Variants in NLK observed in about 807,000 individuals in gnomAD.
NLK encodes the protein serine/threonine-protein kinase NLK.
NLK carries 11 observed loss-of-function variants against 59.0 expected under a neutral mutation model. The observed-to-expected ratio is 0.19, with a 90% confidence interval of 0.12 to 0.31. The LOEUF (loss-of-function observed/expected upper bound fraction) is 0.31, where lower values mean the gene tolerates loss of function less well. Ranked by LOEUF, NLK falls within the 10% of genes least tolerant of loss-of-function variation. The pLI, the probability that NLK is intolerant of heterozygous loss-of-function variation, is 1.00. For synonymous variants in NLK, 235 were observed against 235.9 expected (o/e 1.00, Z 0.03); for missense variants, 410 against 661.1 (o/e 0.62, Z 4.16).
intron 7 of NLK, among the ~76,000 whole-genome samples, chr17:28,177,542 C>T (rs1908732781): frequency 6.6e-6 from 1 of 152,200 alleles, no homozygotes; most frequent in African/African-American, 2.4e-5. Context: ...TGCCAGGAAT[C>T]TGACTCTCCT....
chr17:28,073,739 A>G (rs1000165236), intron 1 of NLK, among the ~76,000 whole-genome samples: 1 of 152,022 alleles, frequency 6.6e-6, no homozygotes, highest in Non-Finnish European at 1.5e-5. Context: ...CTCTTTAGGT[A>G]TTCTCCCCAT....
intron 1 of NLK, among the ~76,000 whole-genome samples, chr17:28,079,314 T>C (rs1235027696): frequency 6.6e-6 from 1 of 152,240 alleles, no homozygotes; most frequent in Non-Finnish European, 1.5e-5. Flanking sequence ...TGAATCTTGC[T>C]GTAATGAACA....
At position 28,085,724 on chromosome 17, in the gene NLK, G is replaced by A. The variant is rs1206495123; in HGVS notation, c.459-36879G>A. The stretch of plus-strand genomic sequence containing the variant: ...CCACTGCACTCCAGCCTGGATGACA[G>A]AGCAAGACCCAGTCTCAAGAAAAAA... On this transcript the variant is annotated intron_variant, in intron 1 of 10. Coordinates refer to ENST00000407008, the MANE Select transcript of NLK (RefSeq NM_016231.5). Among the ~76,000 whole-genome samples the A allele has an allele frequency of 3.9e-5, 6 of 152,102 alleles. No individual in the cohort carries two copies. In the East Asian group the frequency reaches 1.2e-3, roughly 29 times the overall value.
At chr17:28,171,262 C>G (rs747473988) in intron 6 of NLK, 4 of 152,166 alleles carry the variant, frequency 2.6e-5, no homozygotes, top group Non-Finnish European at 5.9e-5. Context: ...ATGCTGATGG[C>G]TACCCCATGG....
chr17:28,179,476 A>C (rs1908812217), intron 7 of NLK, among the ~76,000 whole-genome samples: 1 of 152,052 alleles, frequency 6.6e-6, no homozygotes, highest in African/African-American at 2.4e-5. Flanking sequence ...CATGCCTGTA[A>C]TTCCAGCACT....
intron 6 of NLK, among the ~76,000 whole-genome samples, chr17:28,169,688 C>T (rs949124980): frequency 1.3e-5 from 2 of 150,176 alleles, no homozygotes; most frequent in East Asian, 1.9e-4. Context: ...GTTACTTAAC[C>T]TCTGTGTTCC....
rs1908928225 is a variant in NLK at position 28,043,145 on chromosome 17, A to G, written c.272A>G (p.Gln91Arg). The part of the protein sequence containing the change: ...AAAMLNPGQQ[Q>R]PYFPSPAPGQ... ...GCCATGTTAAACCCTGGGCAACAACAGCCATATTTCCCATCACCGGCACCG... is the reference window on the plus strand; with the variant it reads ...GCCATGTTAAACCCTGGGCAACAACGGCCATATTTCCCATCACCGGCACCG... The change falls in exon 1 of 11, where the codon CAG becomes CGG. Residue 91 changes from glutamine to arginine, a missense_variant. Physicochemically the swap from Gln to Arg is conservative, Grantham distance 43. Around this residue, in one of 5 missense-constraint regions of NLK, gnomAD observed 160 missense variants for 171.0 expected, o/e 0.94. Transcript: ENST00000407008. 17 of 1,612,714 alleles carry G rather than the reference A, an allele frequency of 1.1e-5. No homozygotes were observed. The highest frequency in any genetic ancestry group is 1.4e-5 in the Non-Finnish European group (16 of 1,179,366).
In NLK at chr17:28,196,348, A is replaced by G. The variant is rs1221711768; in HGVS notation, c.*1712A>G. 2 of 152,674 alleles carry G rather than the reference A, an allele frequency of 1.3e-5. No individual in the cohort carries two copies. The highest frequency in any genetic ancestry group is 2.4e-5 in the African/African-American group (1 of 41,458). 9.5% of individuals were successfully genotyped at this position (152,674 alleles called of 1,614,324 possible). A position where few individuals can be genotyped will look rare whatever the true frequency, so the allele number is the denominator to read the frequency against. ...TTTGTACAATGTAGATTTGAAGTAC[A>G]GTGGTGAAAACATTAAATGTGACAT... On this transcript the variant is annotated 3_prime_UTR_variant, in exon 11 of 11. Coordinates refer to ENST00000407008, the MANE Select transcript of NLK (RefSeq NM_016231.5).
intron 7 of NLK, among the ~76,000 whole-genome samples, chr17:28,177,162 G>A (rs1242762447): frequency 6.6e-6 from 1 of 152,180 alleles, no homozygotes; most frequent in Admixed American, 6.5e-5. Context: ...TGGCAGAGGC[G>A]AAAGTGGTGG....
At position 28,168,474 on chromosome 17, in the gene NLK, G is replaced by A. The variant is rs1395894534; in HGVS notation, c.864G>A (p.Val288=). The A allele has an allele frequency of 6.2e-7, 1 of 1,613,742 alleles. No individual in the cohort carries two copies. Among genetic ancestry groups the A allele is most frequent in the East Asian group, 2.2e-5 (1 of 44,884 alleles). The change falls in exon 6 of 11, where the codon GTG becomes GTA. Residue 288 remains valine, a synonymous_variant. Coordinates refer to ENST00000407008, the MANE Select transcript of NLK (RefSeq NM_016231.5). ...TTTGTGATTTTGGATTGGCCAGAGT[G>A]GAAGAATTAGATGAATCCCGTCATA... ...LKICDFGLAR[V]EELDESRHMT... is the part of the protein sequence containing the mutation.
rs529199264 is a variant in NLK, at chr17:28,180,635, T to C, written c.1150-4544T>C. 4.4e-4 allele frequency among the ~76,000 whole-genome samples: 67 copies of C among 152,300 alleles called. 1 individual carries two copies. Among genetic ancestry groups the C allele is most frequent in the South Asian group, 1.5e-3 (7 of 4,826 alleles). ...GTTCCCTTTGCTAAGCTATGACATA[T>C]CTTCACCACAAAAATAGTTTGAGTA... is the stretch of plus-strand genomic sequence containing the variant. On this transcript the variant is annotated intron_variant, in intron 7 of 10. Coordinates refer to ENST00000407008, the MANE Select transcript of NLK (RefSeq NM_016231.5).
rs796889253 is a variant in NLK, at chr17:28,129,601, T to C, written c.589-3019T>C. Among the ~76,000 whole-genome samples, 4 of 152,142 alleles carry C rather than the reference T, an allele frequency of 2.6e-5. No individual in the cohort carries two copies. The South Asian group carries it at 8.3e-4, about 31-fold the overall frequency. ...TCTATAAAAAAAAATAATAATGATA[T>C]AGTCTCTACCGTAAAGAACTTAGAA... On this transcript the variant is annotated intron_variant, in intron 2 of 10. Coordinates refer to ENST00000407008, the MANE Select transcript of NLK (RefSeq NM_016231.5).
chr17:28,120,233 GGGGTGT>G (rs1187877943), intron 1 of NLK, among the ~76,000 whole-genome samples: 1 of 106,882 alleles, frequency 9.4e-6, no homozygotes, highest in Non-Finnish European at 1.9e-5. Context: ...GATTTGGCTT[GGGGTGT>G]GTGTGTGTGT....
Position 28,174,939 on chromosome 17 carries a change from T to G in NLK, c.1149+2321T>G, listed in dbSNP as rs1015583184. Among the ~76,000 whole-genome samples the G allele has an allele frequency of 3.9e-5, 6 of 152,008 alleles. No homozygotes were observed. The East Asian group carries it at 1.2e-3, about 29-fold the overall frequency. On this transcript the variant is annotated intron_variant, in intron 7 of 10. Transcript: ENST00000407008. ...ATGTTATAGCTATTTACAGCTGAGG[T>G]TGGAAGACACCTACACACGATTATA... is the stretch of plus-strand genomic sequence containing the variant.
At chr17:28,115,804 G>A (rs1043205629) in intron 1 of NLK, among the ~76,000 whole-genome samples, 1 of 151,790 alleles carries the variant, frequency 6.6e-6, no homozygotes, top group African/African-American at 2.4e-5. Context: ...GAAGTCTTGA[G>A]TAGCATCTGT....
At chr17:28,117,940 G>A (rs1279215976) in intron 1 of NLK, among the ~76,000 whole-genome samples, 1 of 152,092 alleles carries the variant, frequency 6.6e-6, no homozygotes, top group Non-Finnish European at 1.5e-5. Context: ...ACAAATTATA[G>A]CCCTTTAAAA....
At chr17:28,133,425 G>A (rs190597090) in intron 3 of NLK, among the ~76,000 whole-genome samples, 4 of 152,248 alleles carry the variant, frequency 2.6e-5, no homozygotes, top group East Asian at 1.9e-4. Flanking sequence ...AGCCCTTAAC[G>A]TTCTCCTGTT....
At chr17:28,088,253 TAATC>T (rs1458341681) in intron 1 of NLK, among the ~76,000 whole-genome samples, 1 of 152,214 alleles carries the variant, frequency 6.6e-6, no homozygotes, top group African/African-American at 2.4e-5. Context: ...GATCTGTACT[TAATC>T]AGGAGGCACA....
intron 1 of NLK, among the ~76,000 whole-genome samples, chr17:28,052,029 A>T (rs1909275104): frequency 6.6e-6 from 1 of 151,856 alleles, no homozygotes; most frequent in African/African-American, 2.4e-5. Context: ...TTTCATCAAG[A>T]GACTTGTTTT....
Sources: gnomAD v4.1 joint callset for allele counts (sites outside exome capture counted in the v4.1 genomes callset) on GRCh38, gnomAD v4.1.1 for gene constraint, gnomAD v4.1.1 regional missense constraint, MANE v1.5 for transcripts, NCBI Gene and HGNC (gene_info 2026-07-23, HGNC 2026-07-21) for gene names.